The following MMP16 variants were observed in gnomAD, a reference collection of about 807,000 sequenced individuals.
MMP16 encodes matrix metallopeptidase 16.
In MMP16, 12 loss-of-function variants were observed where a neutral mutation model predicts 67.8. That is an observed-to-expected ratio of 0.18 (90% CI 0.11 to 0.29). The LOEUF is 0.29. Ranked by LOEUF, MMP16 falls within the 10% of genes least tolerant of loss-of-function variation. MMP16 has a pLI of 1.00. For missense variants in MMP16, 475 were observed against 765.7 expected (o/e 0.62, Z 4.48); for synonymous variants, 249 against 255.9 (o/e 0.97, Z 0.26).
intron 1 of MMP16, among the ~76,000 whole-genome samples, chr8:88,310,987 C>T (rs569037974): frequency 6.6e-5 from 10 of 152,078 alleles, no homozygotes; most frequent in Non-Finnish European, 4.4e-5. Context: ...ATTTTAAGGT[C>T]CCTTAGTCTT....
chr8:88,166,720 T>TATATATATAC (rs1554582796), intron 4 of MMP16, among the ~76,000 whole-genome samples: 1 of 135,216 alleles, frequency 7.4e-6, no homozygotes, highest in East Asian at 2.1e-4. Context: ...TATATATATA[T>TATATATATAC]ATATATATAT....
chr8:88,201,384 G>C (rs567623468), intron 1 of MMP16, among the ~76,000 whole-genome samples: 1 of 152,110 alleles, frequency 6.6e-6, no homozygotes, highest in South Asian at 2.1e-4. Flanking sequence ...ACCTAATGTG[G>C]TATGGCAAAT....
chr8:88,106,047 TTATGTATA>T (rs2118395224), intron 6 of MMP16, among the ~76,000 whole-genome samples: 1 of 39,708 alleles, frequency 2.5e-5, no homozygotes, highest in Admixed American at 4.7e-4. Context: ...TATTTACACG[TTATGTATA>T]TATATATATA....
At chr8:88,159,228 T>C (rs1808569995) in intron 4 of MMP16, among the ~76,000 whole-genome samples, 2 of 152,188 alleles carry the variant, frequency 1.3e-5, no homozygotes, top group South Asian at 2.1e-4. Flanking sequence ...TTGAGGGGGA[T>C]GGCATTGAAT....
intron 4 of MMP16, among the ~76,000 whole-genome samples, chr8:88,165,208 G>GA (rs1345901135): frequency 9.5e-5 from 13 of 136,186 alleles, no homozygotes; most frequent in African/African-American, 3.2e-4. Flanking sequence ...AAGAAAGAAA[G>GA]AAAAAACCCA....
intron 3 of MMP16, among the ~76,000 whole-genome samples, chr8:88,170,605 C>T (rs185000359): frequency 2.6e-5 from 4 of 152,070 alleles, no homozygotes; most frequent in Non-Finnish European, 5.9e-5. Flanking sequence ...CAAGACTCTG[C>T]TCCCACAGTG....
intron 7 of MMP16, among the ~76,000 whole-genome samples, chr8:88,060,277 T>C (rs1808380819): frequency 1.3e-5 from 2 of 152,118 alleles, no homozygotes; most frequent in South Asian, 4.1e-4. Context: ...CTTCCAGCCA[T>C]GAGACTTAAG....
chr8:88,271,621 G>A lies in MMP16; in HGVS notation c.132+55454C>T, dbSNP rs542679586. On this transcript the variant is annotated intron_variant, in intron 1 of 9. Transcript: ENST00000286614. ...CGATTCTCCTGCCGCAGCCTCCTGA[G>A]TAGCTGGAATTACATGTATGTGCCA... Among the ~76,000 whole-genome samples, 4 of 152,304 alleles carry A rather than the reference G, an allele frequency of 2.6e-5. No homozygotes were observed. In the South Asian group the frequency reaches 8.3e-4, roughly 32 times the overall value.
intron 3 of MMP16, among the ~76,000 whole-genome samples, 195 bp from the exon 4 acceptor site, chr8:88,168,168 A>G (rs1347851957): frequency 6.6e-6 from 1 of 152,158 alleles, no homozygotes; most frequent in Non-Finnish European, 1.5e-5. Context: ...GATAGTATTC[A>G]TGTACCAAAG....
rs139915176 is a variant in MMP16 at position 88,196,212 on chromosome 8, G to T, written c.281+946C>A. On this transcript the variant is annotated intron_variant, in intron 2 of 9. Coordinates refer to ENST00000286614, the MANE Select transcript of MMP16 (RefSeq NM_005941.5). ...CATGCTTGTCTTTCCTATTGTTGAAGGTTGATGTACCATGATCAAACTAAG... is the reference window on the plus strand; with the variant it reads ...CATGCTTGTCTTTCCTATTGTTGAATGTTGATGTACCATGATCAAACTAAG... Among the ~76,000 whole-genome samples, 33 of 152,206 alleles carry T rather than the reference G, an allele frequency of 2.2e-4. No individual in the cohort carries two copies. The East Asian group carries it at 6.4e-3, about 29-fold the overall frequency.
chr8:88,310,705 C>A (rs1309534786), intron 1 of MMP16, among the ~76,000 whole-genome samples: 2 of 152,134 alleles, frequency 1.3e-5, no homozygotes, highest in Non-Finnish European at 2.9e-5. Context: ...CATTCAAACA[C>A]CTTGTACAAT....
intron 7 of MMP16, among the ~76,000 whole-genome samples, chr8:88,057,416 T>C (rs1049107135): frequency 9.9e-5 from 15 of 152,110 alleles, no homozygotes; most frequent in Non-Finnish European, 8.8e-5. Context: ...TAAACACCCA[T>C]TACCCTAAAA....
At position 88,172,132 on chromosome 8, in the gene MMP16, T is replaced by A. The variant is rs915539010; in HGVS notation, c.405-4159A>T. ...CGTGCCCGGCCATATGATGCATTTT[T>A]AATTGTGTTCTCAATGATTTGGTAA... On this transcript the variant is annotated intron_variant, in intron 3 of 9. Transcript: ENST00000286614. 9.9e-5 allele frequency among the ~76,000 whole-genome samples: 15 copies of A among 152,210 alleles called. No individual in the cohort carries two copies. The East Asian group carries it at 2.9e-3, about 29-fold the overall frequency.
chr8:88,276,203 G>T (rs1236720055), intron 1 of MMP16, among the ~76,000 whole-genome samples: 1 of 152,042 alleles, frequency 6.6e-6, no homozygotes, highest in Admixed American at 6.6e-5. Flanking sequence ...TATGAAAACA[G>T]TGGGGTACCC....
rs1210268811 is a variant in MMP16, at chr8:88,036,634, G to A, written c.*4827C>T. 2.0e-5 allele frequency: 3 copies of A among 151,732 alleles called. No homozygotes were observed. The highest frequency in any genetic ancestry group is 1.3e-4 in the Admixed American group (2 of 15,186). 9.4% of individuals were successfully genotyped at this position (151,732 alleles called of 1,614,324 possible). ...TGTGGTCACAATATATCAACAACAT[G>A]AAGGTACATGAAATACAGCCGAATG... On this transcript the variant is annotated 3_prime_UTR_variant, in exon 10 of 10. Transcript: ENST00000286614.
chr8:88,074,393 A>G (rs1195928261), intron 7 of MMP16, among the ~76,000 whole-genome samples: 1 of 152,114 alleles, frequency 6.6e-6, no homozygotes, highest in Non-Finnish European at 1.5e-5. Context: ...TTCTAAGAGA[A>G]AGAATATCTC....
intron 1 of MMP16, among the ~76,000 whole-genome samples, chr8:88,212,414 A>G (rs1418838077): frequency 6.6e-6 from 1 of 152,204 alleles, no homozygotes; most frequent in Non-Finnish European, 1.5e-5. Flanking sequence ...AGGGAATAGC[A>G]CAAAACAGCT....
At chr8:88,237,713 A>G (rs1809967612) in intron 1 of MMP16, among the ~76,000 whole-genome samples, 2 of 152,152 alleles carry the variant, frequency 1.3e-5, no homozygotes, top group Admixed American at 6.6e-5. Flanking sequence ...TATGGCACGT[A>G]CACGAAGCAA....
At chr8:88,194,444 T>C (rs1809220068) in intron 2 of MMP16, among the ~76,000 whole-genome samples, 1 of 152,082 alleles carries the variant, frequency 6.6e-6, no homozygotes, top group Non-Finnish European at 1.5e-5. Flanking sequence ...TCAGCATGGA[T>C]TGTTACCACA....
Sources: allele counts gnomAD v4.1 joint callset (sites outside exome capture counted in the v4.1 genomes callset), GRCh38; gene constraint gnomAD v4.1.1; transcripts MANE v1.5; gene names NCBI Gene and HGNC (gene_info 2026-07-23, HGNC 2026-07-21).